FSTL4: variants seen among roughly 807,000 people sequenced by gnomAD.
FSTL4 encodes follistatin-related protein 4.
A neutral mutation model predicts 78.2 loss-of-function variants in FSTL4; 28 were observed. That is an observed-to-expected ratio of 0.36 (90% CI 0.27 to 0.49). The LOEUF (loss-of-function observed/expected upper bound fraction) is 0.49, where lower values mean the gene tolerates loss of function less well. Among genes scored for constraint, FSTL4 ranks in the 20% least tolerant of loss-of-function variants. FSTL4 has a pLI of 0.98. For synonymous variants in FSTL4, 422 were observed against 440.5 expected (o/e 0.96, Z 0.53); for missense variants, 922 against 1,084.9 (o/e 0.85, Z 2.11).
At chr5:133,409,929 T>C (rs958477765) in intron 3 of FSTL4, among the ~76,000 whole-genome samples, 1 of 152,176 alleles carries the variant, frequency 6.6e-6, no homozygotes, top group Non-Finnish European at 1.5e-5. Context: ...CGTGGGTACG[T>C]GAGAGGGCTG....
the FSTL4 span, among the ~76,000 whole-genome samples, chr5:133,745,020 C>T: frequency 6.6e-6 from 1 of 152,200 alleles, no homozygotes; most frequent in Admixed American, 6.5e-5. Flanking sequence ...TGTTTGTTTT[C>T]AGGAATGAGG....
At chr5:133,762,138 C>A in the FSTL4 span, among the ~76,000 whole-genome samples, 1 of 152,168 alleles carries the variant, frequency 6.6e-6, no homozygotes, top group South Asian at 2.1e-4. Flanking sequence ...TAGTATTTTC[C>A]AGTCTACAGA....
the FSTL4 span, among the ~76,000 whole-genome samples, chr5:133,813,141 G>A: frequency 1.3e-5 from 2 of 150,540 alleles, no homozygotes; most frequent in Non-Finnish European, 2.9e-5. Flanking sequence ...CAATGGAGGA[G>A]AGTCCACTCT....
chr5:133,679,010 C>T, the FSTL4 span, among the ~76,000 whole-genome samples: 6 of 152,140 alleles, frequency 3.9e-5, no homozygotes, highest in Admixed American at 1.3e-4. Context: ...AAAATCTGCT[C>T]AGCAACATAG....
chr5:133,409,742 TGCAGAG>T (rs1756441042), intron 3 of FSTL4, among the ~76,000 whole-genome samples: 1 of 152,230 alleles, frequency 6.6e-6, no homozygotes, highest in Non-Finnish European at 1.5e-5. Flanking sequence ...ATGAAGATGC[TGCAGAG>T]ACCCAAGACT....
intron 3 of FSTL4, among the ~76,000 whole-genome samples, chr5:133,551,658 G>A (rs528666521): frequency 6.6e-6 from 1 of 152,332 alleles, no homozygotes; most frequent in East Asian, 1.9e-4. Flanking sequence ...TTCTGGAGGA[G>A]CCAACAGTAT....
chr5:133,214,211 C>T (rs1215307131), intron 13 of FSTL4, among the ~76,000 whole-genome samples: 1 of 152,170 alleles, frequency 6.6e-6, no homozygotes, highest in African/African-American at 2.4e-5. Flanking sequence ...CAGTATCTAA[C>T]ATCAGAATGC....
At position 133,197,071 on chromosome 5, in the gene FSTL4, A is replaced by T. The variant is rs1267807852; in HGVS notation, c.*2024T>A. The T allele has an allele frequency of 1.3e-5, 2 of 152,136 alleles. No individual in the cohort carries two copies. Among genetic ancestry groups the T allele is most frequent in the Non-Finnish European group, 2.9e-5 (2 of 68,028 alleles). The allele number at this position is 152,136 out of a possible 1,614,324, so 9.4% of individuals were successfully genotyped here. A position where few individuals can be genotyped will look rare whatever the true frequency, so the allele number is the denominator to read the frequency against. Reference sequence around the variant, plus strand: ...ATTTTAAAAGGCCAGTTTGGGTCAAACTGGTCTTTGACTTAGGAATCCTGC... The same window carrying T: ...ATTTTAAAAGGCCAGTTTGGGTCAATCTGGTCTTTGACTTAGGAATCCTGC... On this transcript the variant is annotated 3_prime_UTR_variant, in exon 16 of 16. Transcript: ENST00000265342.
chr5:133,679,620 C>T, the FSTL4 span, among the ~76,000 whole-genome samples: 2 of 152,246 alleles, frequency 1.3e-5, no homozygotes, highest in South Asian at 2.1e-4. Flanking sequence ...TTCTAGGCCT[C>T]ACCTGGGAAT....
intron 3 of FSTL4, among the ~76,000 whole-genome samples, chr5:133,480,576 G>C (rs1325079140): frequency 1.3e-5 from 2 of 152,028 alleles, no homozygotes; most frequent in Non-Finnish European, 2.9e-5. Context: ...GGATCAACGT[G>C]AAGCCGGTTC....
At chr5:133,457,039 G>A (rs980058699) in intron 3 of FSTL4, among the ~76,000 whole-genome samples, 3 of 151,924 alleles carry the variant, frequency 2.0e-5, no homozygotes, top group Non-Finnish European at 4.4e-5. Flanking sequence ...AGCAAGGATG[G>A]AGCTAAATGC....
the FSTL4 span, among the ~76,000 whole-genome samples, chr5:133,791,521 G>A: frequency 3.3e-5 from 5 of 152,124 alleles, no homozygotes; most frequent in Admixed American, 1.3e-4. Context: ...CTCAGTAAAC[G>A]TTTGTTGAAC....
At position 133,546,505 on chromosome 5, in the gene FSTL4, C is replaced by CAA. The variant is rs71581365; in HGVS notation, c.160+20679_160+20680dup. Among the ~76,000 whole-genome samples, 31 of 75,416 alleles carry CAA rather than the reference C, an allele frequency of 4.1e-4. 2 individuals carry two copies. The highest frequency in any genetic ancestry group is 8.2e-4 in the Non-Finnish European group (29 of 35,388). 49.5% of individuals were successfully genotyped at this position (75,416 alleles called of 152,430 possible). A position where few individuals can be genotyped will look rare whatever the true frequency, so the allele number is the denominator to read the frequency against. On this transcript the variant is annotated intron_variant, in intron 3 of 15. Coordinates refer to ENST00000265342, the MANE Select transcript of FSTL4 (RefSeq NM_015082.2). ...TGGCTGACAGAGCGAGACTTTGTCT[C>CAA]AAAAAAAAAAAAAAAAAAAAAAAAA...
intron 3 of FSTL4, among the ~76,000 whole-genome samples, chr5:133,402,725 C>G (rs897032251): frequency 6.6e-6 from 1 of 152,184 alleles, no homozygotes; most frequent in Non-Finnish European, 1.5e-5. Flanking sequence ...TTAAATTCCT[C>G]CAGCCTTGGC....
chr5:133,733,625 A>T, the FSTL4 span, among the ~76,000 whole-genome samples: 1 of 152,266 alleles, frequency 6.6e-6, no homozygotes, highest in Non-Finnish European at 1.5e-5. Flanking sequence ...ATAAAAGGAA[A>T]GGTGTTCTGT....
At chr5:133,641,670 A>C in the FSTL4 span, among the ~76,000 whole-genome samples, 2 of 152,238 alleles carry the variant, frequency 1.3e-5, no homozygotes, top group Admixed American at 6.5e-5. Context: ...GTAGCAAAAA[A>C]TAAAGGAAAT....
the FSTL4 span, among the ~76,000 whole-genome samples, chr5:133,721,734 A>G: frequency 6.6e-6 from 1 of 152,070 alleles, no homozygotes; most frequent in African/African-American, 2.4e-5. Flanking sequence ...ACTTTTGACA[A>G]TTTGATTTTG....
chr5:133,269,229 G>GTACTGACC (rs934223812), intron 6 of FSTL4, among the ~76,000 whole-genome samples: 2 of 146,972 alleles, frequency 1.4e-5, no homozygotes, highest in Admixed American at 1.4e-4. Flanking sequence ...AAATCTATTT[G>GTACTGACC]TACTGACCTG....
intron 6 of FSTL4, among the ~76,000 whole-genome samples, chr5:133,303,628 G>A (rs139157289): frequency 6.6e-6 from 1 of 152,234 alleles, no homozygotes; most frequent in African/African-American, 2.4e-5. Context: ...GACACAGCTT[G>A]TTCCCGTGCA....
Sources: gnomAD v4.1 joint callset for allele counts (sites outside exome capture counted in the v4.1 genomes callset) on GRCh38, gnomAD v4.1.1 for gene constraint, MANE v1.5 for transcripts, NCBI Gene and HGNC (gene_info 2026-07-23, HGNC 2026-07-21) for gene names.